Variants in STAT3 observed in about 807,000 individuals in gnomAD.
STAT3 encodes signal transducer and activator of transcription 3.
Under a neutral mutation model 114.3 loss-of-function variants are expected in STAT3, and 7 were observed. That is an observed-to-expected ratio of 0.06 (90% confidence interval 0.03 to 0.11). STAT3 has a LOEUF of 0.11. Among genes scored for constraint, STAT3 ranks in the 10% least tolerant of loss-of-function variants. The pLI, the probability that STAT3 is intolerant of heterozygous loss-of-function variation, is 1.00. For synonymous variants in STAT3, 331 were observed against 354.5 expected (o/e 0.93, Z 0.74); for missense variants, 364 against 960.9 (o/e 0.38, Z 8.21).
At chr17:42,326,226 G>C in intron 14 of STAT3, 27 bp from the exon 15 acceptor site, 1 of 1,607,942 alleles carries the variant, frequency 6.2e-7, no homozygotes, top group Non-Finnish European at 8.5e-7. Flanking sequence ...GACACTCTTA[G>C]GCCAGGTGTG....
intron 1 of STAT3, among the ~76,000 whole-genome samples, chr17:42,370,234 G>A (rs1376433022): frequency 6.7e-6 from 1 of 148,502 alleles, no homozygotes; most frequent in Non-Finnish European, 1.5e-5. Context: ...TTATAGGCAT[G>A]AGCCACCACA....
At chr17:42,330,967 T>C (rs570324680) in intron 11 of STAT3, among the ~76,000 whole-genome samples, 25 of 152,296 alleles carry the variant, frequency 1.6e-4, no homozygotes, top group African/African-American at 5.8e-4. Flanking sequence ...TCCTACTTCA[T>C]TGAGATGTGT....
chr17:42,386,516 C>T (rs1465261043), intron 1 of STAT3, among the ~76,000 whole-genome samples: 1 of 152,002 alleles, frequency 6.6e-6, no homozygotes, highest in Non-Finnish European at 1.5e-5. Context: ...TTTCTTCCTC[C>T]TTTCCTTTCT....
chr17:42,350,420 T>C (rs573243229), intron 1 of STAT3, among the ~76,000 whole-genome samples: 1 of 152,224 alleles, frequency 6.6e-6, no homozygotes, highest in African/African-American at 2.4e-5. Context: ...CAGCTGGGAG[T>C]ACAGGCAGCA....
Position 42,323,032 on chromosome 17 carries a change from A to T in STAT3, c.1860T>A (p.Thr620=), listed in dbSNP as rs2144691346. The T allele has an allele frequency of 6.2e-7, 1 of 1,614,134 alleles. No individual in the cohort carries two copies. Among genetic ancestry groups the T allele is most frequent in the Non-Finnish European group, 8.5e-7 (1 of 1,180,038 alleles). The change falls in exon 20 of 24, where the codon ACT becomes ACA. Residue 620 remains threonine (T), a synonymous_variant. Coordinates refer to ENST00000264657, the MANE Select transcript of STAT3 (RefSeq NM_139276.3). ...TGATGTCCTTCTCCACCCAAGTGAAAGTGACGCCTCCTTCTTTGCTGCTTT... is the reference window on the plus strand; with the variant it reads ...TGATGTCCTTCTCCACCCAAGTGAATGTGACGCCTCCTTCTTTGCTGCTTT... ...FSESSKEGGV[T]FTWVEKDISG...
At chr17:42,352,069 G>A (rs759200916) in intron 1 of STAT3, among the ~76,000 whole-genome samples, 14 of 151,990 alleles carry the variant, frequency 9.2e-5, no homozygotes, top group East Asian at 1.9e-4. Flanking sequence ...GGCTGGGCAC[G>A]GTGGCTCACA....
Position 42,315,580 on chromosome 17 carries a change from A to C in STAT3, c.*165T>G, listed in dbSNP as rs930137822. 6.0e-5 allele frequency: 42 copies of C among 702,428 alleles called. No homozygotes were observed. The highest frequency in any genetic ancestry group is 9.6e-5 in the Non-Finnish European group (38 of 397,276). 43.5% of individuals were successfully genotyped at this position (702,428 alleles called of 1,614,324 possible). A position where few individuals can be genotyped will look rare whatever the true frequency, so the allele number is the denominator to read the frequency against. On this transcript the variant is annotated 3_prime_UTR_variant, in exon 24 of 24. Coordinates refer to ENST00000264657, the MANE Select transcript of STAT3 (RefSeq NM_139276.3). Reference sequence around the variant, plus strand: ...CACATTCACTCATTTCTCTATTTTTAAAAGTGCCCAGATTGCTCAAAGATA... The same window carrying C: ...CACATTCACTCATTTCTCTATTTTTCAAAGTGCCCAGATTGCTCAAAGATA...
In STAT3 at chr17:42,313,379, C is replaced by CAAAAAAAAAAAAAAAAA; in HGVS notation, c.*2349_*2365dup. ...AGTTAAAGTAGATACAGCAATATACCAAAAAAAAAAAAAAAAAAAAAAGAC... is the reference window on the plus strand; with the variant it reads ...AGTTAAAGTAGATACAGCAATATACCAAAAAAAAAAAAAAAAAAAAAAAAAAAAAAAAAAAAAAAGAC... On this transcript the variant is annotated 3_prime_UTR_variant, in exon 24 of 24. Transcript: ENST00000264657. The CAAAAAAAAAAAAAAAAA allele has an allele frequency of 1.2e-5, 1 of 83,022 alleles. No homozygotes were observed. The highest frequency in any genetic ancestry group is 2.2e-5 in the Non-Finnish European group (1 of 44,908). 5.1% of individuals were successfully genotyped at this position (83,022 alleles called of 1,614,324 possible). A position where few individuals can be genotyped will look rare whatever the true frequency, so the allele number is the denominator to read the frequency against.
In STAT3 at chr17:42,324,366, T is replaced by C. The variant is rs1291655159; in HGVS notation, c.1600+345A>G. 6.6e-6 allele frequency among the ~76,000 whole-genome samples: 1 copy of C among 151,856 alleles called. No homozygotes were observed. Among genetic ancestry groups the C allele is most frequent in the Non-Finnish European group, 1.5e-5 (1 of 67,946 alleles). On this transcript the variant is annotated intron_variant, in intron 17 of 23. Transcript: ENST00000264657. The surrounding 1 kb of genome is among the most constrained non-coding windows in gnomAD (Gnocchi z 4.5). ...ATAAGACAAAAAAAACCAACTAGCCTATAGTTTATTAAAAAAATGGACAGG... is the reference window on the plus strand; with the variant it reads ...ATAAGACAAAAAAAACCAACTAGCCCATAGTTTATTAAAAAAATGGACAGG...
At chr17:42,331,610 T>C in intron 10 of STAT3, 79 bp from the exon 11 acceptor site, 1 of 1,197,816 alleles carries the variant, frequency 8.3e-7, no homozygotes, top group Non-Finnish European at 1.2e-6. Flanking sequence ...GTAAAATTCA[T>C]AATTCTTCAT....
Position 42,347,020 on chromosome 17 carries a change from C to T in STAT3, c.129-307G>A, listed in dbSNP as rs192808491. 2.0e-5 allele frequency among the ~76,000 whole-genome samples: 3 copies of T among 151,920 alleles called. No individual in the cohort carries two copies. The East Asian group carries it at 5.8e-4, about 29-fold the overall frequency. Reference sequence around the variant, plus strand: ...CCTGGCCAACATGGTGAAACGCTGTCTCTACTAAAAATAAAAAATTAGCCA... The same window carrying T: ...CCTGGCCAACATGGTGAAACGCTGTTTCTACTAAAAATAAAAAATTAGCCA... On this transcript the variant is annotated intron_variant, in intron 2 of 23. Coordinates refer to ENST00000264657, the MANE Select transcript of STAT3 (RefSeq NM_139276.3).
At chr17:42,352,743 T>C (rs2083031713) in intron 1 of STAT3, among the ~76,000 whole-genome samples, 1 of 152,150 alleles carries the variant, frequency 6.6e-6, no homozygotes, top group Admixed American at 6.5e-5. Flanking sequence ...CAAAGAAATC[T>C]GCATAATATG....
At position 42,358,933 on chromosome 17, in the gene STAT3, C is replaced by CTTTTTTTTTTTTTTTTTTTTTTTTTT. The variant is rs35099574; in HGVS notation, c.-23-10395_-23-10394insAAAAAAAAAAAAAAAAAAAAAAAAAA. Among the ~76,000 whole-genome samples, 45 of 100,452 alleles carry CTTTTTTTTTTTTTTTTTTTTTTTTTT rather than the reference C, an allele frequency of 4.5e-4. 5 individuals are homozygous for CTTTTTTTTTTTTTTTTTTTTTTTTTT. Among genetic ancestry groups the CTTTTTTTTTTTTTTTTTTTTTTTTTT allele is most frequent in the Non-Finnish European group, 6.6e-4 (35 of 53,346 alleles). The allele number at this position is 100,452 out of a possible 152,430, so 65.9% of individuals were successfully genotyped here. ...GTCTCCCTTTCATGGACATTTCTTA[C>CTTTTTTTTTTTTTTTTTTTTTTTTTT]TTTTTTTTTTTTTTTTTTTGAGATG... On this transcript the variant is annotated intron_variant, in intron 1 of 23. Transcript: ENST00000264657.
At chr17:42,329,851 T>C in intron 11 of STAT3, 75 bp from the exon 12 acceptor site, 1 of 1,533,362 alleles carries the variant, frequency 6.5e-7, no homozygotes, top group East Asian at 2.3e-5. Flanking sequence ...CCACCTGTTA[T>C]TTACTGTCAT....
chr17:42,316,458 A>G, intron 23 of STAT3: 1 of 443,792 alleles, frequency 2.3e-6, no homozygotes, highest in Non-Finnish European at 4.2e-6. Flanking sequence ...ACCTCAAGTG[A>G]TCCACCCACC....
At chr17:42,329,532 A>C (rs1339792966) in intron 13 of STAT3, 22 bp downstream of exon 13, 1 of 1,614,140 alleles carries the variant, frequency 6.2e-7, no homozygotes, top group Admixed American at 1.7e-5. Context: ...GCCCTTTGTG[A>C]AGGGGAGCTC....
In STAT3 at chr17:42,388,433, C is replaced by G; in HGVS notation, c.-178G>C. 1 of 1,231,888 alleles carries G rather than the reference C, an allele frequency of 8.1e-7. No individual in the cohort carries two copies. Among genetic ancestry groups the G allele is most frequent in the Non-Finnish European group, 1.0e-6 (1 of 988,072 alleles). 76.3% of individuals were successfully genotyped at this position (1,231,888 alleles called of 1,614,324 possible). ...AGGATCCGGTTGGGGCTTGTTCCCT[C>G]GGCTGCGACGTCGGAACCCCCGGCT... On this transcript the variant is annotated 5_prime_UTR_variant, in exon 1 of 24. Transcript: ENST00000264657.
intron 1 of STAT3, 158 bp downstream of exon 1, chr17:42,388,121 A>C: frequency 3.4e-6 from 3 of 894,372 alleles, no homozygotes; most frequent in Non-Finnish European, 4.4e-6. Context: ...GTCATCCCGA[A>C]GAGTCTTCCC....
chr17:42,322,631 G>GTGGCC, intron 20 of STAT3, 137 bp from the exon 21 acceptor site: 1 of 950,730 alleles, frequency 1.1e-6, no homozygotes, highest in Non-Finnish European at 1.7e-6. Context: ...ACCCTGTTCA[G>GTGGCC]TGGCCTGGCA....
Sources: allele counts gnomAD v4.1 joint callset (sites outside exome capture counted in the v4.1 genomes callset), GRCh38; gene constraint gnomAD v4.1.1; non-coding constraint Gnocchi (gnomAD v3.1); transcripts MANE v1.5; gene names NCBI Gene and HGNC (gene_info 2026-07-23, HGNC 2026-07-21).